The following MYOC variants were observed in gnomAD, a reference collection of about 807,000 sequenced individuals.
MYOC encodes myocilin.
In MYOC, 29 loss-of-function variants were observed where a neutral mutation model predicts 28.2. The ratio of observed to expected loss-of-function variants is 1.03; its 90% CI spans 0.77 to 1.40. The LOEUF (loss-of-function observed/expected upper bound fraction) is 1.40, where lower values mean the gene tolerates loss of function less well. Ranked by LOEUF, MYOC falls within the 40% of genes most tolerant of loss-of-function variation. The probability of loss-of-function intolerance (pLI) is 0.00; values close to 1 mark genes in which losing one functional copy is unlikely to be tolerated. For synonymous variants in MYOC, 240 were observed against 245.6 expected (o/e 0.98, Z 0.21); for missense variants, 569 against 620.6 (o/e 0.92, Z 0.88).
intron 2 of MYOC, among the ~76,000 whole-genome samples, chr1:171,637,092 G>A (rs1368798467): frequency 6.6e-6 from 1 of 152,144 alleles, no homozygotes; most frequent in African/African-American, 2.4e-5. Context: ...GGGAGTGGGA[G>A]CTATAAAATA....
Position 171,636,418 on chromosome 1 carries a change from G to A in MYOC, c.1022C>T (p.Ser341Phe). Reference sequence around the variant, plus strand: ...CAGCTCATATCTTATGACAGTTCTGGACTCAGCGCCCTGGAAATAGAGGCT... The same window carrying A: ...CAGCTCATATCTTATGACAGTTCTGAACTCAGCGCCCTGGAAATAGAGGCT... ...SGSLYFQGAE[S>F]RTVIRYELNT... The change falls in exon 3 of 3, where the codon TCC (serine) becomes TTC (phenylalanine). Residue 341 changes from serine to phenylalanine, a missense_variant. Coordinates refer to ENST00000037502, the MANE Select transcript of MYOC (RefSeq NM_000261.2). 1 of 1,614,072 alleles carries A rather than the reference G, an allele frequency of 6.2e-7. No individual in the cohort carries two copies. Among genetic ancestry groups the A allele is most frequent in the Non-Finnish European group, 8.5e-7 (1 of 1,180,010 alleles).
intron 1 of MYOC, among the ~76,000 whole-genome samples, chr1:171,645,483 C>G (rs1035611622): frequency 1.3e-5 from 2 of 152,212 alleles, no homozygotes; most frequent in East Asian, 3.9e-4. Context: ...CTGAACCTCA[C>G]CTTCCCCTTC....
intron 1 of MYOC, among the ~76,000 whole-genome samples, chr1:171,644,923 G>T (rs1653165641): frequency 6.6e-6 from 1 of 152,118 alleles, no homozygotes; most frequent in African/African-American, 2.4e-5. Flanking sequence ...AAGTGGTATC[G>T]CTGGGACTTG....
intron 1 of MYOC, among the ~76,000 whole-genome samples, chr1:171,645,105 C>A (rs753517761): frequency 1.3e-5 from 2 of 152,124 alleles, no homozygotes; most frequent in Non-Finnish European, 2.9e-5. Flanking sequence ...CAGTAGAGGG[C>A]GCTGGAGGGA....
chr1:171,638,957 G>A (rs148231804), intron 1 of MYOC, among the ~76,000 whole-genome samples: 67 of 152,306 alleles, frequency 4.4e-4, no homozygotes, highest in African/African-American at 1.6e-3. Flanking sequence ...TTAGCTGGAT[G>A]TGGTGGCAGG....
chr1:171,652,251 G>A lies in MYOC; in HGVS notation c.361C>T (p.Leu121=), dbSNP rs1313640157. 6 of 1,614,068 alleles carry A rather than the reference G, an allele frequency of 3.7e-6. No individual in the cohort carries two copies. Among genetic ancestry groups the A allele is most frequent in the Non-Finnish European group, 5.1e-6 (6 of 1,179,994 alleles). Reference sequence around the variant, plus strand: ...TCCCGCTCCCGCCTCAGGGTGCCCAGCTCCCTCTGCAGCCCCTCCTGGGTC... The same window carrying A: ...TCCCGCTCCCGCCTCAGGGTGCCCAACTCCCTCTGCAGCCCCTCCTGGGTC... ...QETQEGLQRE[L]GTLRRERDQL... Residue 121 remains leucine, a synonymous_variant, in exon 1 of 3, where the codon CTG becomes TTG. Transcript: ENST00000037502.
At chr1:171,643,482 G>C (rs1653126125) in intron 1 of MYOC, 2 of 152,258 alleles carry the variant, frequency 1.3e-5, no homozygotes, top group South Asian at 2.1e-4. Flanking sequence ...CCGCTCCCTG[G>C]CCCTGCCAGC....
At chr1:171,645,124 G>A (rs1306651785) in intron 1 of MYOC, among the ~76,000 whole-genome samples, 4 of 152,180 alleles carry the variant, frequency 2.6e-5, no homozygotes, top group Non-Finnish European at 5.9e-5. Flanking sequence ...GACATCGTGG[G>A]AGGAAAAAGG....
At chr1:171,638,425 G>A (rs187720850) in intron 2 of MYOC, among the ~76,000 whole-genome samples, 172 bp downstream of exon 2, 1 of 152,122 alleles carries the variant, frequency 6.6e-6, no homozygotes, top group African/African-American at 2.4e-5. Context: ...CTCTGACAAG[G>A]GAACAGAGAG....
At chr1:171,645,800 A>G (rs532051985) in intron 1 of MYOC, among the ~76,000 whole-genome samples, 14 of 152,162 alleles carry the variant, frequency 9.2e-5, no homozygotes, top group Non-Finnish European at 1.6e-4. Flanking sequence ...TTCTACCCTC[A>G]CTGGCAAAGA....
At position 171,651,340 on chromosome 1, in the gene MYOC, C is replaced by A. The variant is rs1178163398; in HGVS notation, c.604+668G>T. ...AAGACCTCCCCCAACACCTCACCCCCGCACCCCCCCCACACACACACAGAC... is the reference window on the plus strand; with the variant it reads ...AAGACCTCCCCCAACACCTCACCCCAGCACCCCCCCCACACACACACAGAC... On this transcript the variant is annotated intron_variant, in intron 1 of 2. Transcript: ENST00000037502. 2.1e-4 allele frequency among the ~76,000 whole-genome samples: 29 copies of A among 141,442 alleles called. No homozygotes were observed. In the South Asian group the frequency reaches 4.8e-3, roughly 24 times the overall value. 92.8% of individuals were successfully genotyped at this position (141,442 alleles called of 152,430 possible). A position where few individuals can be genotyped will look rare whatever the true frequency, so the allele number is the denominator to read the frequency against.
At position 171,635,829 on chromosome 1, in the gene MYOC, G is replaced by T. The variant is rs998312590; in HGVS notation, c.*96C>A. ...GAAAACTTGGAAAGCAGTCAAAGCT[G>T]CCTGGGCCCTGGCTGGCTGGCTCTC... On this transcript the variant is annotated 3_prime_UTR_variant, in exon 3 of 3. Coordinates refer to ENST00000037502, the MANE Select transcript of MYOC (RefSeq NM_000261.2). 6.0e-6 allele frequency: 8 copies of T among 1,338,784 alleles called. No individual in the cohort carries two copies. Among genetic ancestry groups the T allele is most frequent in the Non-Finnish European group, 8.4e-6 (8 of 952,134 alleles). The allele number at this position is 1,338,784 out of a possible 1,614,324, so 82.9% of individuals were successfully genotyped here.
chr1:171,643,869 G>A (rs1653136796), intron 1 of MYOC, among the ~76,000 whole-genome samples: 1 of 151,382 alleles, frequency 6.6e-6, no homozygotes, highest in South Asian at 2.1e-4. Context: ...AACTAGGGAG[G>A]CTAAGTCAGG....
rs1653152080 is a variant in MYOC at position 171,644,518 on chromosome 1, C to T, written c.605-5796G>A. ...AACCCAAAAAAGTCAGGCATTTTCACAGATGACTTCCTTGTGGATAGCTAA... is the reference window on the plus strand; with the variant it reads ...AACCCAAAAAAGTCAGGCATTTTCATAGATGACTTCCTTGTGGATAGCTAA... On this transcript the variant is annotated intron_variant, in intron 1 of 2. Transcript: ENST00000037502. Among the ~76,000 whole-genome samples the T allele has an allele frequency of 2.0e-5, 3 of 150,992 alleles. No homozygotes were observed. The South Asian group carries it at 6.3e-4, about 32-fold the overall frequency.
intron 1 of MYOC, among the ~76,000 whole-genome samples, chr1:171,645,542 C>T (rs968893351): frequency 6.6e-6 from 1 of 152,200 alleles, no homozygotes; most frequent in Non-Finnish European, 1.5e-5. Context: ...ATGGAGTTCA[C>T]GTCTATCTAT....
At chr1:171,647,387 G>C (rs1259453895) in intron 1 of MYOC, among the ~76,000 whole-genome samples, 1 of 152,048 alleles carries the variant, frequency 6.6e-6, no homozygotes. Flanking sequence ...AGCCGGGCAT[G>C]GTGGCGTGTG....
Position 171,635,676 on chromosome 1 carries a change from T to C in MYOC, c.*249A>G. On this transcript the variant is annotated 3_prime_UTR_variant, in exon 3 of 3. Transcript: ENST00000037502. ...CCCCAAATCACAAGAAAACTTGAAC[T>C]ATGTCATTAAACATCCCATAAATGC... 1 of 558,994 alleles carries C rather than the reference T, an allele frequency of 1.8e-6. No individual in the cohort carries two copies. The highest frequency in any genetic ancestry group is 3.1e-5 in the Admixed American group (1 of 32,760). The allele number at this position is 558,994 out of a possible 1,614,324, so 34.6% of individuals were successfully genotyped here. A position where few individuals can be genotyped will look rare whatever the true frequency, so the allele number is the denominator to read the frequency against.
intron 1 of MYOC, among the ~76,000 whole-genome samples, chr1:171,646,698 T>C (rs1309362559): frequency 6.6e-6 from 1 of 152,104 alleles, no homozygotes; most frequent in Non-Finnish European, 1.5e-5. Flanking sequence ...GGTTTTACCA[T>C]ATTGGCCAGG....
At chr1:171,648,808 C>T (rs1325523055) in intron 1 of MYOC, among the ~76,000 whole-genome samples, 2 of 150,682 alleles carry the variant, frequency 1.3e-5, no homozygotes, top group Admixed American at 6.6e-5. Flanking sequence ...CTGCCTCAGC[C>T]TCTGGAGTAA....
Sources: gnomAD v4.1 joint callset for allele counts (sites outside exome capture counted in the v4.1 genomes callset) on GRCh38, gnomAD v4.1.1 for gene constraint, MANE v1.5 for transcripts, NCBI Gene and HGNC (gene_info 2026-07-23, HGNC 2026-07-21) for gene names.